Variants in CDH23 observed in about 807,000 individuals in gnomAD.
CDH23 encodes cadherin related 23.
In CDH23, 189 loss-of-function variants were observed where a neutral mutation model predicts 317.1. That is an observed-to-expected ratio of 0.60 (90% confidence interval 0.53 to 0.67). The LOEUF is 0.67. CDH23 is among the 30% of genes least tolerant of loss of function. The pLI, the probability that CDH23 is intolerant of heterozygous loss-of-function variation, is 0.00. For synonymous variants in CDH23, 1,839 were observed against 1,876.8 expected, an observed-to-expected ratio of 0.98 and a Z score of 0.52; for missense variants, 4,401 against 4,592.4, an observed-to-expected ratio of 0.96 and a Z score of 1.20.
chr10:71,777,720 A>G lies in CDH23; in HGVS notation c.4886A>G (p.Asp1629Gly). The change falls in exon 39 of 70, where the codon GAT becomes GGT. Residue 1629 changes from aspartate (D) to glycine (G), a missense_variant. This residue lies in a region of CDH23 where 3,068 missense variants were observed against 3,203.3 expected (regional missense o/e 0.96). Transcript: ENST00000224721. ...TACGTGACCATTGTGGATGAGAATG[A>G]TAACGCGCCCATGTTCCAGCAGCCC... ...HVYVTIVDEN[D>G]NAPMFQQPHY... The G allele has an allele frequency of 1.9e-6, 3 of 1,613,456 alleles. No individual in the cohort carries two copies. Among genetic ancestry groups the G allele is most frequent in the South Asian group, 1.1e-5 (1 of 90,974 alleles).
intron 1 of CDH23, among the ~76,000 whole-genome samples, chr10:71,416,573 A>T (rs1199165189): frequency 1.3e-5 from 2 of 152,120 alleles, no homozygotes; most frequent in East Asian, 3.8e-4. Context: ...CCTTTGGAGT[A>T]ATTTTCTCAT....
At chr10:71,683,681 G>A (rs1242878377) in intron 18 of CDH23, among the ~76,000 whole-genome samples, 1 of 152,214 alleles carries the variant, frequency 6.6e-6, no homozygotes, top group Non-Finnish European at 1.5e-5. Flanking sequence ...ACAGAACCAG[G>A]ATAGCAAAGG....
intron 6 of CDH23, among the ~76,000 whole-genome samples, chr10:71,560,561 C>A (rs963204834): frequency 6.6e-5 from 10 of 152,158 alleles, no homozygotes; most frequent in African/African-American, 2.4e-4. Context: ...CCACCACTTA[C>A]AATCTGTGCG....
chr10:71,612,888 G>A (rs1216225836), intron 9 of CDH23, among the ~76,000 whole-genome samples: 1 of 152,214 alleles, frequency 6.6e-6, no homozygotes, highest in Non-Finnish European at 1.5e-5. Context: ...TTGCTCTGTC[G>A]CCCAGGCTGG....
intron 31 of CDH23, 123 bp downstream of exon 31, chr10:71,730,727 G>T: frequency 7.2e-7 from 1 of 1,393,068 alleles, no homozygotes; most frequent in Non-Finnish European, 9.8e-7. Flanking sequence ...CCATGTCTAG[G>T]CCAGGGAGGG....
rs1474721524 is a variant in CDH23 at position 71,811,759 on chromosome 10, T to G, written c.9319+6T>G. ...CATTGTGGCTGGCTCAGCTGGTAAG[T>G]GAGGGCCATAGTGGGGACACAGGTG... On this transcript the variant is annotated splice_donor_region_variant and intron_variant, in intron 65 of 69. Transcript: ENST00000224721. 5.1e-6 allele frequency: 8 copies of G among 1,569,972 alleles called. No homozygotes were observed. Among genetic ancestry groups the G allele is most frequent in the Non-Finnish European group, 6.9e-6 (8 of 1,158,050 alleles).
chr10:71,652,622 G>T (rs1421210409), intron 14 of CDH23, among the ~76,000 whole-genome samples: 1 of 152,220 alleles, frequency 6.6e-6, no homozygotes, highest in Non-Finnish European at 1.5e-5. Context: ...GAGATAACCT[G>T]CTAGGAGCCT....
chr10:71,441,272 G>T (rs1010794785), intron 2 of CDH23, among the ~76,000 whole-genome samples: 4 of 152,004 alleles, frequency 2.6e-5, no homozygotes, highest in East Asian at 1.9e-4. Context: ...CATGTGGGAG[G>T]CTTCAATCGG....
At chr10:71,744,396 C>T (rs1175887737) in intron 38 of CDH23, among the ~76,000 whole-genome samples, 1 of 152,198 alleles carries the variant, frequency 6.6e-6, no homozygotes, top group Non-Finnish European at 1.5e-5. Context: ...CAAAATCAGG[C>T]TTCCTTTGGG....
chr10:71,529,354 G>A (rs184403743), intron 6 of CDH23, among the ~76,000 whole-genome samples: 10 of 152,262 alleles, frequency 6.6e-5, no homozygotes, highest in Admixed American at 3.3e-4. Context: ...GAGCAGGGCC[G>A]CCCTCTGGGG....
intron 1 of CDH23, among the ~76,000 whole-genome samples, chr10:71,424,297 C>T (rs1448471605): frequency 6.6e-6 from 1 of 152,224 alleles, no homozygotes; most frequent in Non-Finnish European, 1.5e-5. Context: ...TCCCACTGAG[C>T]TCTCAGGAGC....
intron 3 of CDH23, among the ~76,000 whole-genome samples, chr10:71,505,958 A>G (rs893590193): frequency 1.3e-5 from 2 of 152,258 alleles, no homozygotes; most frequent in African/African-American, 2.4e-5. Context: ...ATTATTTCCA[A>G]TAGTCAACAG....
chr10:71,724,892 G>A (rs764840793), intron 29 of CDH23, among the ~76,000 whole-genome samples: 10 of 152,208 alleles, frequency 6.6e-5, no homozygotes, highest in Non-Finnish European at 1.3e-4. Context: ...AAAAATCAGG[G>A]TGCTGTGCCC....
intron 1 of CDH23, among the ~76,000 whole-genome samples, chr10:71,433,432 G>A (rs761471423): frequency 1.2e-4 from 19 of 152,150 alleles, no homozygotes; most frequent in Admixed American, 2.0e-4. Flanking sequence ...TTTCAAAGAC[G>A]GACTGATTCT....
chr10:71,684,029 C>T (rs930500270), intron 18 of CDH23, among the ~76,000 whole-genome samples: 20 of 151,874 alleles, frequency 1.3e-4, no homozygotes, highest in Admixed American at 3.3e-4. Context: ...TGCAGTGAGC[C>T]GAGATCGCAC....
chr10:71,803,984 A>T, intron 55 of CDH23, among the ~76,000 whole-genome samples: 1 of 7,640 alleles, frequency 1.3e-4, no homozygotes, highest in Admixed American at 8.9e-4. Context: ...GACTTTGTCA[A>T]AAAAAAAAAA....
intron 3 of CDH23, among the ~76,000 whole-genome samples, chr10:71,495,403 C>T (rs909979788): frequency 1.3e-5 from 2 of 152,094 alleles, no homozygotes; most frequent in African/African-American, 2.4e-5. Flanking sequence ...TTCTTCATTT[C>T]TTTTCCTGCT....
At chr10:71,645,440 A>C (rs1862790316) in intron 12 of CDH23, among the ~76,000 whole-genome samples, 1 of 150,312 alleles carries the variant, frequency 6.7e-6, no homozygotes, top group African/African-American at 2.5e-5. Context: ...TCTTCTCTCC[A>C]CTCCCCTCAC....
At chr10:71,562,461 T>C (rs921081946) in intron 6 of CDH23, among the ~76,000 whole-genome samples, 1 of 152,226 alleles carries the variant, frequency 6.6e-6, no homozygotes, top group African/African-American at 2.4e-5. Flanking sequence ...TGTGCCCTCA[T>C]TAGCAGTCCA....
Sources: allele counts gnomAD v4.1 joint callset (sites outside exome capture counted in the v4.1 genomes callset), GRCh38; gene constraint gnomAD v4.1.1; regional missense constraint gnomAD v4.1.1; transcripts MANE v1.5; gene names NCBI Gene and HGNC (gene_info 2026-07-23, HGNC 2026-07-21).